RNF180: variants seen among roughly 807,000 people sequenced by gnomAD.
RNF180 encodes ring finger protein 180.
Under a neutral mutation model 59.2 loss-of-function variants are expected in RNF180, and 38 were observed. That is an observed-to-expected ratio of 0.64 (90% CI 0.50 to 0.84). The LOEUF (loss-of-function observed/expected upper bound fraction) is 0.84, where lower values mean the gene tolerates loss of function less well. RNF180 is among the 40% of genes least tolerant of loss of function. The pLI is 0.00. For synonymous variants in RNF180, 262 were observed against 240.3 expected, an observed-to-expected ratio of 1.09 and a Z score of -0.84; for missense variants, 705 against 700.9, an observed-to-expected ratio of 1.01 and a Z score of -0.07.
At chr5:64,184,177 G>A (rs941035178) in intron 1 of RNF180, among the ~76,000 whole-genome samples, 1 of 152,172 alleles carries the variant, frequency 6.6e-6, no homozygotes, top group Non-Finnish European at 1.5e-5. Flanking sequence ...CAAACCTGCT[G>A]ATGTCTTGAT....
intron 1 of RNF180, among the ~76,000 whole-genome samples, chr5:64,174,167 A>G (rs1750104224): frequency 6.6e-6 from 1 of 152,192 alleles, no homozygotes; most frequent in South Asian, 2.1e-4. Context: ...ATAGTGTTCC[A>G]TTGTGTATAT....
At chr5:64,282,033 C>A (rs949227084) in intron 5 of RNF180, among the ~76,000 whole-genome samples, 8 of 152,032 alleles carry the variant, frequency 5.3e-5, no homozygotes, top group Admixed American at 6.6e-5. Context: ...TTTTTGCATC[C>A]GTGTTCATCA....
At chr5:64,317,665 T>C (rs1744126967) in intron 5 of RNF180, among the ~76,000 whole-genome samples, 1 of 150,744 alleles carries the variant, frequency 6.6e-6, no homozygotes. Flanking sequence ...TCCTGCCTTA[T>C]CCACAGAGGA....
intron 7 of RNF180, among the ~76,000 whole-genome samples, chr5:64,331,346 TGTCA>T (rs1450336870): frequency 1.3e-5 from 2 of 152,336 alleles, no homozygotes; most frequent in Admixed American, 6.5e-5. Context: ...GGGGCTGGGC[TGTCA>T]GTTCTGTGGA....
intron 5 of RNF180, among the ~76,000 whole-genome samples, chr5:64,316,681 AAATC>A (rs1388703949): frequency 1.3e-5 from 2 of 152,232 alleles, no homozygotes; most frequent in Admixed American, 1.3e-4. Flanking sequence ...AAAAATATAT[AAATC>A]AAACACATTT....
intron 2 of RNF180, 120 bp downstream of exon 2, chr5:64,201,062 A>G: frequency 1.3e-6 from 1 of 758,868 alleles, no homozygotes; most frequent in Non-Finnish European, 2.0e-6. Flanking sequence ...CTTTGTCATG[A>G]CTCTTTGTCT....
intron 5 of RNF180, among the ~76,000 whole-genome samples, chr5:64,220,316 T>C (rs1402870564): frequency 6.6e-6 from 1 of 152,014 alleles, no homozygotes; most frequent in Non-Finnish European, 1.5e-5. Context: ...ATAATATTTT[T>C]ATGATAGAAA....
chr5:64,182,011 A>C (rs1366955153), intron 1 of RNF180, among the ~76,000 whole-genome samples: 1 of 77,072 alleles, frequency 1.3e-5, no homozygotes, highest in Non-Finnish European at 2.4e-5. Flanking sequence ...TTTTTTTTTG[A>C]GACAGAGTCT....
intron 5 of RNF180, among the ~76,000 whole-genome samples, chr5:64,248,166 C>T (rs1489194877): frequency 6.6e-6 from 1 of 152,160 alleles, no homozygotes; most frequent in African/African-American, 2.4e-5. Context: ...TAGAAGAAAA[C>T]ATAGGCAGTA....
chr5:64,347,030 T>C (rs1336684995), intron 7 of RNF180, among the ~76,000 whole-genome samples: 2 of 152,242 alleles, frequency 1.3e-5, no homozygotes, highest in South Asian at 2.1e-4. Context: ...GTTTGCCTTA[T>C]ACCGAAATAA....
At chr5:64,253,591 C>T (rs559338555) in intron 5 of RNF180, among the ~76,000 whole-genome samples, 4 of 152,208 alleles carry the variant, frequency 2.6e-5, no homozygotes, top group Admixed American at 1.3e-4. Flanking sequence ...TCTGGTTCCT[C>T]GTTTTTTGTG....
chr5:64,325,610 CTG>C (rs1238509421), intron 6 of RNF180, among the ~76,000 whole-genome samples, 199 bp downstream of exon 6: 2 of 152,302 alleles, frequency 1.3e-5, no homozygotes, highest in African/African-American at 4.8e-5. Flanking sequence ...GAATTCCCTA[CTG>C]TACACTCAGA....
At chr5:64,339,650 A>G (rs1325248409) in intron 7 of RNF180, among the ~76,000 whole-genome samples, 2 of 152,016 alleles carry the variant, frequency 1.3e-5, no homozygotes, top group African/African-American at 4.8e-5. Context: ...TGGGAAAAAA[A>G]TAGACATTCC....
intron 5 of RNF180, among the ~76,000 whole-genome samples, chr5:64,303,941 C>T (rs1021191875): frequency 2.0e-5 from 3 of 151,588 alleles, no homozygotes; most frequent in Admixed American, 2.0e-4. Context: ...TTGCTAGGGG[C>T]TAATGCAGCT....
intron 2 of RNF180, among the ~76,000 whole-genome samples, chr5:64,208,380 C>T (rs957259680): frequency 2.0e-5 from 3 of 151,786 alleles, no homozygotes; most frequent in Non-Finnish European, 4.4e-5. Context: ...AAATTTTTCC[C>T]GAGGAGATAA....
intron 1 of RNF180, among the ~76,000 whole-genome samples, chr5:64,175,912 T>G (rs914316894): frequency 1.3e-5 from 2 of 152,212 alleles, no homozygotes; most frequent in African/African-American, 4.8e-5. Flanking sequence ...TAATTCTCTA[T>G]TGGCACATAG....
At chr5:64,275,785 G>C (rs1359240465) in intron 5 of RNF180, among the ~76,000 whole-genome samples, 1 of 151,926 alleles carries the variant, frequency 6.6e-6, no homozygotes, top group Non-Finnish European at 1.5e-5. Context: ...CCAGGTCACT[G>C]TACTTTCTTT....
At chr5:64,262,331 C>G (rs1001728870) in intron 5 of RNF180, among the ~76,000 whole-genome samples, 1 of 151,944 alleles carries the variant, frequency 6.6e-6, no homozygotes, top group African/African-American at 2.4e-5. Context: ...ATGACAAGAC[C>G]ATCAATTAAT....
At chr5:64,328,799 A>G (rs1744766475) in intron 6 of RNF180, among the ~76,000 whole-genome samples, 1 of 152,240 alleles carries the variant, frequency 6.6e-6, no homozygotes. Flanking sequence ...AAATCACTTG[A>G]GCCAAAGCTT....
Sources: gnomAD v4.1 joint callset for allele counts (sites outside exome capture counted in the v4.1 genomes callset) on GRCh38, gnomAD v4.1.1 for gene constraint, MANE v1.5 for transcripts, NCBI Gene and HGNC (gene_info 2026-07-23, HGNC 2026-07-21) for gene names.